UNC5D: variants seen among roughly 807,000 people sequenced by gnomAD.
UNC5D encodes the protein unc-5 netrin receptor D.
A neutral mutation model predicts 105.4 loss-of-function variants in UNC5D; 39 were observed. The observed-to-expected ratio is 0.37, with a 90% CI of 0.29 to 0.48. The LOEUF is 0.48. Among genes scored for constraint, UNC5D ranks in the 20% least tolerant of loss-of-function variants. The pLI, the probability that UNC5D is intolerant of heterozygous loss-of-function variation, is 0.98. For missense variants in UNC5D, 991 were observed against 1,202.4 expected (o/e 0.82, Z 2.60); for synonymous variants, 452 against 450.4 (o/e 1.00, Z -0.04).
At chr8:35,755,711 C>T (rs1830487859) in intron 13 of UNC5D, among the ~76,000 whole-genome samples, 1 of 152,150 alleles carries the variant, frequency 6.6e-6, no homozygotes, top group Non-Finnish European at 1.5e-5. Context: ...AGAAAAACCA[C>T]CATCCAGAGC....
At chr8:35,527,868 A>G (rs1255961066) in intron 1 of UNC5D, among the ~76,000 whole-genome samples, 2 of 151,988 alleles carry the variant, frequency 1.3e-5, no homozygotes, top group Non-Finnish European at 2.9e-5. Context: ...TCCTGTTCAT[A>G]TGGTCACTAC....
chr8:35,555,875 GCACACACACA>G (rs56788274), intron 2 of UNC5D, among the ~76,000 whole-genome samples: 9,615 of 134,046 alleles, frequency 0.072, 852 homozygotes, highest in African/African-American at 0.18. Flanking sequence ...TAAAAAAACA[GCACACACACA>G]CACACACACA....
chr8:35,388,364 G>GA (rs1320229267), intron 1 of UNC5D, among the ~76,000 whole-genome samples: 4 of 151,518 alleles, frequency 2.6e-5, no homozygotes, highest in Admixed American at 6.6e-5. Flanking sequence ...ACCCCATCTC[G>GA]AAAAAAACCC....
intron 1 of UNC5D, among the ~76,000 whole-genome samples, chr8:35,353,994 T>C (rs1801410653): frequency 6.6e-6 from 1 of 152,160 alleles, no homozygotes; most frequent in Non-Finnish European, 1.5e-5. Flanking sequence ...TTGGATAGTT[T>C]AAGTAAATCA....
At chr8:35,487,566 T>TACACACACAC (rs3048025) in intron 1 of UNC5D, among the ~76,000 whole-genome samples, 1 of 112,984 alleles carries the variant, frequency 8.9e-6, no homozygotes, top group Non-Finnish European at 1.8e-5. Flanking sequence ...TCTCTCTCTG[T>TACACACACAC]ACACACACAC....
intron 1 of UNC5D, among the ~76,000 whole-genome samples, chr8:35,250,113 G>A (rs1803592092): frequency 6.6e-6 from 1 of 152,110 alleles, no homozygotes; most frequent in Non-Finnish European, 1.5e-5. Flanking sequence ...AATGTTTAAT[G>A]TAACCCTTGT....
intron 2 of UNC5D, among the ~76,000 whole-genome samples, chr8:35,567,546 G>T (rs1817436953): frequency 1.3e-5 from 2 of 152,044 alleles, no homozygotes; most frequent in African/African-American, 4.8e-5. Flanking sequence ...TCCTTCTTTT[G>T]GTCCCATTGG....
chr8:35,601,723 T>G (rs1819898705), intron 4 of UNC5D, among the ~76,000 whole-genome samples: 2 of 152,236 alleles, frequency 1.3e-5, no homozygotes, highest in Non-Finnish European at 2.9e-5. Context: ...ATTTTCTAAA[T>G]ATACAGTCAT....
At chr8:35,591,598 T>G (rs2130885061) in intron 3 of UNC5D, among the ~76,000 whole-genome samples, 1 of 152,270 alleles carries the variant, frequency 6.6e-6, no homozygotes, top group Non-Finnish European at 1.5e-5. Context: ...TCCTATTATA[T>G]GTAATGTATT....
At chr8:35,300,540 G>C (rs956281307) in intron 1 of UNC5D, among the ~76,000 whole-genome samples, 1 of 114,588 alleles carries the variant, frequency 8.7e-6, no homozygotes, top group South Asian at 2.8e-4. Flanking sequence ...AATTAACCAA[G>C]AAACCAAAGG....
rs116304855 is a variant in UNC5D at position 35,621,722 on chromosome 8, C to T, written c.570+26065C>T. Among the ~76,000 whole-genome samples, 1,332 of 152,272 alleles carry T rather than the reference C, an allele frequency of 8.7e-3. 17 individuals are homozygous for T. Among genetic ancestry groups the T allele is most frequent in the African/African-American group, 0.03 (1,256 of 41,544 alleles). ...ATAGATGAATACCATCAGGCCACTACCCTGCAAAGGAACTCACCTCAGAGT... is the reference window on the plus strand; with the variant it reads ...ATAGATGAATACCATCAGGCCACTATCCTGCAAAGGAACTCACCTCAGAGT... On this transcript the variant is annotated intron_variant, in intron 4 of 16. Transcript: ENST00000404895.
At position 35,271,734 on chromosome 8, in the gene UNC5D, CATATATATTTATACA is replaced by C. The variant is rs1221164328; in HGVS notation, c.103+35848_103+35862del. 6.7e-4 allele frequency among the ~76,000 whole-genome samples: 81 copies of C among 121,180 alleles called. 3 individuals are homozygous for C. The highest frequency in any genetic ancestry group is 2.5e-3 in the African/African-American group (76 of 30,948). The allele number at this position is 121,180 out of a possible 152,430, so 79.5% of individuals were successfully genotyped here. A position where few individuals can be genotyped will look rare whatever the true frequency, so the allele number is the denominator to read the frequency against. ...ATATTTATACATGTATACATGTATA[CATATATATTTATACA>C]TGTATACATGTATACATATATTTAC... On this transcript the variant is annotated intron_variant, in intron 1 of 16. Transcript: ENST00000404895.
intron 1 of UNC5D, among the ~76,000 whole-genome samples, chr8:35,472,733 G>A (rs1414663141): frequency 6.6e-6 from 1 of 152,190 alleles, no homozygotes; most frequent in Non-Finnish European, 1.5e-5. Flanking sequence ...GGAAAAGTGA[G>A]TTACTTAAAA....
intron 1 of UNC5D, among the ~76,000 whole-genome samples, chr8:35,362,869 G>T (rs1328789990): frequency 2.6e-5 from 4 of 152,094 alleles, no homozygotes; most frequent in Non-Finnish European, 5.9e-5. Context: ...GGATAGTAAT[G>T]GCTGTGTTTC....
chr8:35,727,621 C>T (rs1295172542), intron 10 of UNC5D: 1 of 152,130 alleles, frequency 6.6e-6, no homozygotes, highest in Non-Finnish European at 1.5e-5. Context: ...ATCTTCATTT[C>T]AAAACATATT....
intron 1 of UNC5D, among the ~76,000 whole-genome samples, chr8:35,311,994 C>T (rs1808924676): frequency 6.6e-6 from 1 of 152,100 alleles, no homozygotes; most frequent in Non-Finnish European, 1.5e-5. Flanking sequence ...TTTAAAAATT[C>T]CCTCATTCAT....
chr8:35,609,101 T>C (rs889934193), intron 4 of UNC5D, among the ~76,000 whole-genome samples: 10 of 152,234 alleles, frequency 6.6e-5, no homozygotes, highest in African/African-American at 2.4e-4. Context: ...ATAGCCATTA[T>C]GACTGGTATA....
At chr8:35,742,442 C>T (rs926010508) in intron 11 of UNC5D, among the ~76,000 whole-genome samples, 2 of 152,060 alleles carry the variant, frequency 1.3e-5, no homozygotes, top group Non-Finnish European at 2.9e-5. Flanking sequence ...ATGTCTTTTC[C>T]ATTCAAATAT....
intron 1 of UNC5D, among the ~76,000 whole-genome samples, chr8:35,273,871 A>G (rs1160073376): frequency 6.6e-6 from 1 of 152,162 alleles, no homozygotes; most frequent in Non-Finnish European, 1.5e-5. Flanking sequence ...CCTCCTTCAT[A>G]AATTTTATTT....
Sources: allele counts gnomAD v4.1 joint callset (sites outside exome capture counted in the v4.1 genomes callset), GRCh38; gene constraint gnomAD v4.1.1; transcripts MANE v1.5; gene names NCBI Gene and HGNC (gene_info 2026-07-23, HGNC 2026-07-21).